ECT2L: variants seen among roughly 807,000 people sequenced by gnomAD.
The protein encoded by ECT2L is epithelial cell transforming 2 like.
A neutral mutation model predicts 122.8 loss-of-function variants in ECT2L; 126 were observed. The observed-to-expected ratio is 1.03, with a 90% confidence interval of 0.89 to 1.19. ECT2L has a LOEUF of 1.19. ECT2L is among the 50% of genes most tolerant of loss of function. ECT2L has a pLI of 0.00. For missense variants in ECT2L, 1,012 were observed against 1,064.1 expected, an observed-to-expected ratio of 0.95 and a Z score of 0.68; for synonymous variants, 385 against 381.8, an observed-to-expected ratio of 1.01 and a Z score of -0.10.
At position 138,876,550 on chromosome 6, in the gene ECT2L, A is replaced by C; in HGVS notation, c.1657A>C (p.Ile553Leu). 6.2e-7 allele frequency: 1 copy of C among 1,606,518 alleles called. No homozygotes were observed. Among genetic ancestry groups the C allele is most frequent in the Non-Finnish European group, 8.5e-7 (1 of 1,173,542 alleles). ...SKNDLNFEAL[I>L]NLERILQKDS... is the part of the protein sequence containing the mutation. ...AAATGATTTAAATTTTGAAGCACTG[A>C]TTAATCTGGTAAGCTATTATATAAT... The change falls in exon 14 of 22, where the codon ATT (isoleucine) becomes CTT (leucine). Residue 553 changes from isoleucine to leucine, a missense_variant. Transcript: ENST00000541398.
intron 1 of ECT2L, among the ~76,000 whole-genome samples, chr6:138,798,700 T>C (rs1775426834): frequency 6.6e-6 from 1 of 152,210 alleles, no homozygotes; most frequent in South Asian, 2.1e-4. Flanking sequence ...GAAGTGTATT[T>C]CCAAATACAT....
intron 19 of ECT2L, among the ~76,000 whole-genome samples, chr6:138,887,231 T>TA (rs1315855755): frequency 1.3e-5 from 2 of 149,104 alleles, no homozygotes; most frequent in East Asian, 3.9e-4. Context: ...TTTCTTTAAT[T>TA]TTTTTTTTTT....
At chr6:138,876,858 A>G (rs1582647091) in intron 14 of ECT2L, among the ~76,000 whole-genome samples, 1 of 152,210 alleles carries the variant, frequency 6.6e-6, no homozygotes, top group Non-Finnish European at 1.5e-5. Flanking sequence ...GAAATGGCAC[A>G]TGGACAAAGG....
At chr6:138,880,862 C>A in intron 14 of ECT2L, 95 bp from the exon 15 acceptor site, 2 of 1,076,476 alleles carry the variant, frequency 1.9e-6, no homozygotes, top group Non-Finnish European at 2.7e-6. Flanking sequence ...ACCTGAACAG[C>A]ACAAACCAGC....
chr6:138,885,079 A>C (rs1327639913), intron 16 of ECT2L, among the ~76,000 whole-genome samples: 2 of 122,842 alleles, frequency 1.6e-5, no homozygotes, highest in Admixed American at 2.3e-4. Flanking sequence ...CCCAGGCTGG[A>C]GTGCAGTGGC....
intron 4 of ECT2L, among the ~76,000 whole-genome samples, chr6:138,834,484 CT>C (rs1413629082): frequency 1.3e-5 from 2 of 152,114 alleles, no homozygotes; most frequent in African/African-American, 2.4e-5. Flanking sequence ...TTCAATTCTC[CT>C]TTGCTCTGCT....
intron 13 of ECT2L, among the ~76,000 whole-genome samples, chr6:138,872,163 T>C (rs142205636): frequency 2.3e-3 from 357 of 152,278 alleles, no homozygotes; most frequent in African/African-American, 8.2e-3. Flanking sequence ...TCTAAATGCC[T>C]TTCCAGGGAT....
At chr6:138,890,490 ATCTTTTTTT>A (rs1203453669) in intron 20 of ECT2L, among the ~76,000 whole-genome samples, 8 of 50,194 alleles carry the variant, frequency 1.6e-4, no homozygotes, top group African/African-American at 5.9e-4. Context: ...GTTTTCTTTG[ATCTTTTTTT>A]TTTTTTTTTT....
At chr6:138,798,748 G>C (rs1416879295) in intron 1 of ECT2L, among the ~76,000 whole-genome samples, 1 of 152,196 alleles carries the variant, frequency 6.6e-6, no homozygotes, top group Admixed American at 6.5e-5. Context: ...TATGGCCTAA[G>C]ATGGACTCTG....
In ECT2L at chr6:138,844,065, C is replaced by T. The variant is rs1486950747; in HGVS notation, c.596-347C>T. 2.0e-5 allele frequency among the ~76,000 whole-genome samples: 3 copies of T among 152,156 alleles called. No homozygotes were observed. In the East Asian group the frequency reaches 5.8e-4, roughly 29 times the overall value. On this transcript the variant is annotated intron_variant, in intron 6 of 21. Coordinates refer to ENST00000541398, the MANE Select transcript of ECT2L (RefSeq NM_001077706.3). ...ATTAGAGTTCTCCCATGTTTTCTTC[C>T]CACTAACCCTCTGGTGAGATCGTGA...
intron 4 of ECT2L, among the ~76,000 whole-genome samples, chr6:138,815,496 C>G (rs997802207): frequency 5.3e-5 from 8 of 152,090 alleles, no homozygotes; most frequent in Non-Finnish European, 1.0e-4. Context: ...AGATAAAAAG[C>G]CTTATGTTAG....
chr6:138,805,821 C>A (rs149105671), intron 1 of ECT2L, among the ~76,000 whole-genome samples: 10 of 152,306 alleles, frequency 6.6e-5, no homozygotes, highest in African/African-American at 2.2e-4. Context: ...CACATCATCA[C>A]TTCCACAACA....
intron 20 of ECT2L, among the ~76,000 whole-genome samples, chr6:138,894,601 C>T (rs1779148318): frequency 6.6e-6 from 1 of 152,152 alleles, no homozygotes; most frequent in South Asian, 2.1e-4. Flanking sequence ...GTCACACCTC[C>T]CCATCCATGC....
Position 138,902,564 on chromosome 6 carries a change from GGAT to G in ECT2L, c.2656_2658del (p.Asp886del), listed in dbSNP as rs1779440377. On this transcript the variant is annotated inframe_deletion, in exon 22 of 22. Transcript: ENST00000541398. The stretch of plus-strand genomic sequence containing the variant: ...AATGGATTTGTGCTACAGAAATAGA[GGAT>G]GATAAGTTCCTATGGCTGTCAGTAC... 5.6e-6 allele frequency: 9 copies of G among 1,613,692 alleles called. No homozygotes were observed. Among genetic ancestry groups the G allele is most frequent in the Non-Finnish European group, 7.6e-6 (9 of 1,179,746 alleles).
At chr6:138,838,019 G>GCCTTC (rs1776903452) in intron 4 of ECT2L, among the ~76,000 whole-genome samples, 1 of 151,828 alleles carries the variant, frequency 6.6e-6, no homozygotes, top group Non-Finnish European at 1.5e-5. Context: ...TCCTGCCTTG[G>GCCTTC]CCTTCCAAGT....
chr6:138,809,245 T>A (rs1398206446), intron 1 of ECT2L, among the ~76,000 whole-genome samples: 2 of 152,336 alleles, frequency 1.3e-5, no homozygotes, highest in East Asian at 3.9e-4. Flanking sequence ...CTTTTTGTCA[T>A]GAACGGGTAT....
chr6:138,825,018 C>A (rs1033509024), intron 4 of ECT2L, among the ~76,000 whole-genome samples: 1 of 152,138 alleles, frequency 6.6e-6, no homozygotes, highest in African/African-American at 2.4e-5. Flanking sequence ...GATCCAAGGC[C>A]GGCCTGGCCA....
At position 138,801,799 on chromosome 6, in the gene ECT2L, A is replaced by C. The variant is rs545931578; in HGVS notation, c.-244+5607A>C. On this transcript the variant is annotated intron_variant, in intron 1 of 21. Coordinates refer to ENST00000541398, the MANE Select transcript of ECT2L (RefSeq NM_001077706.3). Reference sequence around the variant, plus strand: ...AAATTCTCCAGTAAGTAGATGAAGAAAAATACTGAGTAAATATGGAAACAG... The same window carrying C: ...AAATTCTCCAGTAAGTAGATGAAGACAAATACTGAGTAAATATGGAAACAG... Among the ~76,000 whole-genome samples the C allele has an allele frequency of 2.6e-5, 4 of 152,334 alleles. No individual in the cohort carries two copies. In the South Asian group the frequency reaches 8.3e-4, roughly 32 times the overall value.
intron 12 of ECT2L, among the ~76,000 whole-genome samples, chr6:138,865,534 C>G (rs1778004906): frequency 6.6e-6 from 1 of 152,152 alleles, no homozygotes; most frequent in East Asian, 1.9e-4. Flanking sequence ...ACCCCAGCAC[C>G]TATTACATAA....
Sources: allele counts gnomAD v4.1 joint callset (sites outside exome capture counted in the v4.1 genomes callset), GRCh38; gene constraint gnomAD v4.1.1; transcripts MANE v1.5; gene names NCBI Gene and HGNC (gene_info 2026-07-23, HGNC 2026-07-21).